Variants in EXOC2 observed in about 807,000 individuals in gnomAD.
The protein encoded by EXOC2 is SEC5-like 1.
Under a neutral mutation model 131.8 loss-of-function variants are expected in EXOC2, and 70 were observed. The ratio of observed to expected loss-of-function variants is 0.53; its 90% CI spans 0.44 to 0.65. The LOEUF (loss-of-function observed/expected upper bound fraction) is 0.65. Among genes scored for constraint, EXOC2 ranks in the 30% least tolerant of loss-of-function variants. The pLI, the probability that EXOC2 is intolerant of heterozygous loss-of-function variation, is 0.00. For missense variants in EXOC2, 923 were observed against 1,108.6 expected (o/e 0.83, Z 2.38); for synonymous variants, 411 against 398.4 (o/e 1.03, Z -0.38).
intron 23 of EXOC2, among the ~76,000 whole-genome samples, chr6:503,165 C>CT (rs34676213): frequency 0.014 from 1,985 of 147,018 alleles, 34 homozygotes; most frequent in African/African-American, 0.04. Context: ...GGAGCAAGTA[C>CT]TTTTTTTTTT....
intron 26 of EXOC2, among the ~76,000 whole-genome samples, chr6:489,306 A>G (rs79961246): frequency 0.012 from 1,783 of 152,380 alleles, 37 homozygotes; most frequent in African/African-American, 0.041. Context: ...CATCTTCGAA[A>G]GGATGCTAGT....
chr6:487,507 A>C (rs999915929), intron 27 of EXOC2, among the ~76,000 whole-genome samples: 1 of 152,156 alleles, frequency 6.6e-6, no homozygotes, highest in South Asian at 2.1e-4. Context: ...CCCGGATTCA[A>C]GCAATTCTCC....
intron 17 of EXOC2, among the ~76,000 whole-genome samples, chr6:557,830 C>A (rs1757504207): frequency 6.6e-6 from 1 of 152,010 alleles, no homozygotes; most frequent in African/African-American, 2.4e-5. Context: ...GCAGAGTGGG[C>A]AAGAAACCAC....
At chr6:611,872 T>C (rs1156386633) in intron 6 of EXOC2, among the ~76,000 whole-genome samples, 1 of 152,230 alleles carries the variant, frequency 6.6e-6, no homozygotes, top group Non-Finnish European at 1.5e-5. Context: ...ACAGTACTTC[T>C]CAAAGAAAAA....
At position 488,726 on chromosome 6, in the gene EXOC2, G is replaced by A. The variant is rs1446465187; in HGVS notation, c.2681+253C>T. Among the ~76,000 whole-genome samples, 4 of 152,042 alleles carry A rather than the reference G, an allele frequency of 2.6e-5. No homozygotes were observed. In the East Asian group the frequency reaches 5.8e-4, roughly 22 times the overall value. The stretch of plus-strand genomic sequence containing the variant: ...CTTTTCTATACCAGTCACTTGAAAC[G>A]AGAGCCAACTTCTAAATTCTCCTAA... On this transcript the variant is annotated intron_variant, in intron 27 of 27. Coordinates refer to ENST00000230449, the MANE Select transcript of EXOC2 (RefSeq NM_018303.6).
At chr6:661,347 T>C (rs529690619) in intron 1 of EXOC2, among the ~76,000 whole-genome samples, 1 of 152,306 alleles carries the variant, frequency 6.6e-6, no homozygotes, top group South Asian at 2.1e-4. Flanking sequence ...CATCAGGTTA[T>C]ACACAGTTCA....
At position 486,619 on chromosome 6, in the gene EXOC2, G is replaced by T; in HGVS notation, c.*52C>A. 1 of 1,470,392 alleles carries T rather than the reference G, an allele frequency of 6.8e-7. No homozygotes were observed. Among genetic ancestry groups the T allele is most frequent in the Non-Finnish European group, 9.5e-7 (1 of 1,050,502 alleles). The allele number at this position is 1,470,392 out of a possible 1,614,324, so 91.1% of individuals were successfully genotyped here. A position where few individuals can be genotyped will look rare whatever the true frequency, so the allele number is the denominator to read the frequency against. Reference sequence around the variant, plus strand: ...AATACCTTTAGGGTACTTAGAGAGTGAACAGTCTTATTACGTGTTATTTTC... The same window carrying T: ...AATACCTTTAGGGTACTTAGAGAGTTAACAGTCTTATTACGTGTTATTTTC... On this transcript the variant is annotated 3_prime_UTR_variant, in exon 28 of 28. Transcript: ENST00000230449.
rs1404371325 is a variant in EXOC2 at position 555,408 on chromosome 6, G to A, written c.1993-120C>T. 9.2e-6 allele frequency: 5 copies of A among 546,064 alleles called. No homozygotes were observed. In the Admixed American group the frequency reaches 1.3e-4, roughly 14 times the overall value. The allele number at this position is 546,064 out of a possible 1,614,324, so 33.8% of individuals were successfully genotyped here. A position where few individuals can be genotyped will look rare whatever the true frequency, so the allele number is the denominator to read the frequency against. The stretch of plus-strand genomic sequence containing the variant: ...TTATATATCTCATTAGTGGTGTGGT[G>A]TTGTGTGCATGTATGAATATGTGTA... On this transcript the variant is annotated intron_variant, in intron 19 of 27. Transcript: ENST00000230449.
chr6:658,140 C>T (rs1477227657), intron 1 of EXOC2, among the ~76,000 whole-genome samples: 1 of 152,068 alleles, frequency 6.6e-6, no homozygotes, highest in Non-Finnish European at 1.5e-5. Flanking sequence ...ACACATAATT[C>T]ACTAAACAAT....
At chr6:618,521 C>T (rs1338530063) in intron 5 of EXOC2, among the ~76,000 whole-genome samples, 1 of 152,206 alleles carries the variant, frequency 6.6e-6, no homozygotes, top group Admixed American at 6.5e-5. Context: ...TCAATTCTGA[C>T]TTATAATAAT....
chr6:513,413 C>T (rs1264577696), intron 23 of EXOC2, among the ~76,000 whole-genome samples: 2 of 152,316 alleles, frequency 1.3e-5, no homozygotes, highest in East Asian at 3.9e-4. Flanking sequence ...TGAGAAGAAA[C>T]GAAAGTCCAA....
chr6:488,205 C>G (rs1440242654), intron 27 of EXOC2, among the ~76,000 whole-genome samples: 1 of 152,334 alleles, frequency 6.6e-6, no homozygotes, highest in East Asian at 1.9e-4. Flanking sequence ...CAGCTCCCCC[C>G]CATGGCCCAG....
At chr6:502,951 A>G (rs942227451) in intron 23 of EXOC2, among the ~76,000 whole-genome samples, 5 of 152,234 alleles carry the variant, frequency 3.3e-5, no homozygotes, top group African/African-American at 7.2e-5. Flanking sequence ...CAAACCACAC[A>G]TCAGGCCAGT....
intron 1 of EXOC2, among the ~76,000 whole-genome samples, chr6:646,977 C>G (rs1022101587): frequency 6.6e-6 from 1 of 152,234 alleles, no homozygotes; most frequent in African/African-American, 2.4e-5. Flanking sequence ...TACCAAAACA[C>G]TGCAGGGAGA....
intron 10 of EXOC2, among the ~76,000 whole-genome samples, chr6:593,456 T>C (rs1479210902): frequency 6.6e-6 from 1 of 152,200 alleles, no homozygotes; most frequent in Admixed American, 6.5e-5. Context: ...CTAGGAAATA[T>C]AGTATAGTTC....
intron 1 of EXOC2, among the ~76,000 whole-genome samples, chr6:649,480 G>A (rs924230015): frequency 7.2e-5 from 11 of 151,924 alleles, no homozygotes; most frequent in African/African-American, 1.9e-4. Flanking sequence ...ACACACTTAC[G>A]TACTATCCAT....
intron 23 of EXOC2, among the ~76,000 whole-genome samples, chr6:509,012 A>G (rs1391290818): frequency 6.6e-6 from 1 of 152,168 alleles, no homozygotes; most frequent in East Asian, 1.9e-4. Context: ...TTAATTTGCA[A>G]TTCCCTAATG....
At position 658,496 on chromosome 6, in the gene EXOC2, G is replaced by A. The variant is rs73716873; in HGVS notation, c.-43-20635C>T. On this transcript the variant is annotated intron_variant, in intron 1 of 27. Transcript: ENST00000230449. ...AACCACAATGATGTAAGTTAGAGGA[G>A]TTCTTATCTGTTCCATACACTGCTG... Among the ~76,000 whole-genome samples the A allele has an allele frequency of 3.1e-3, 465 of 151,832 alleles. 2 individuals are homozygous for A. The highest frequency in any genetic ancestry group is 9.0e-3 in the African/African-American group (375 of 41,472).
intron 11 of EXOC2, 98 bp downstream of exon 11, chr6:592,371 G>A: frequency 9.7e-7 from 1 of 1,034,402 alleles, no homozygotes; most frequent in Middle Eastern, 2.5e-4. Context: ...GAGATACCAA[G>A]TAAATTAGGT....
Sources: allele counts gnomAD v4.1 joint callset (sites outside exome capture counted in the v4.1 genomes callset), GRCh38; gene constraint gnomAD v4.1.1; transcripts MANE v1.5; gene names NCBI Gene and HGNC (gene_info 2026-07-23, HGNC 2026-07-21).